The following TMEM14A variants were observed in gnomAD, a reference collection of about 807,000 sequenced individuals.
TMEM14A encodes the protein transmembrane protein 14A.
TMEM14A carries 8 observed loss-of-function variants against 11.6 expected under a neutral mutation model. The observed-to-expected ratio is 0.69, with a 90% confidence interval of 0.40 to 1.24. TMEM14A has a LOEUF of 1.24. Ranked by LOEUF, TMEM14A falls within the 50% of genes most tolerant of loss-of-function variation. The pLI is 0.01. For missense variants in TMEM14A, 108 were observed against 121.9 expected, an observed-to-expected ratio of 0.89 and a Z score of 0.54; for synonymous variants, 34 against 45.5, an observed-to-expected ratio of 0.75 and a Z score of 1.02.
At chr6:52,684,606 A>AT (rs1428967131) in intron 4 of TMEM14A, among the ~76,000 whole-genome samples, 1 of 152,238 alleles carries the variant, frequency 6.6e-6, no homozygotes, top group Non-Finnish European at 1.5e-5. Flanking sequence ...AAGTTTTAAT[A>AT]TTTTTTAAAA....
At chr6:52,678,376 G>A (rs1230342927) in intron 2 of TMEM14A, among the ~76,000 whole-genome samples, 1 of 147,202 alleles carries the variant, frequency 6.8e-6, no homozygotes, top group Admixed American at 6.8e-5. Context: ...TGTGTGGAAG[G>A]AATCATTTTA....
At chr6:52,677,210 G>C in intron 2 of TMEM14A, 38 bp downstream of exon 2, 11 of 1,607,298 alleles carry the variant, frequency 6.8e-6, no homozygotes, top group South Asian at 1.1e-5. Context: ...GGGAATTAGT[G>C]GGGGTTTGGA....
chr6:52,684,200 G>C, intron 4 of TMEM14A, 35 bp downstream of exon 4: 1 of 1,579,364 alleles, frequency 6.3e-7, no homozygotes, highest in Non-Finnish European at 8.6e-7. Flanking sequence ...ACTTTCCTCT[G>C]CTGTTGTTTT....
At chr6:52,678,331 G>A (rs1450317534) in intron 2 of TMEM14A, among the ~76,000 whole-genome samples, 1 of 5,822 alleles carries the variant, frequency 1.7e-4, no homozygotes, top group East Asian at 7.7e-3. Context: ...GTGTGTGTTT[G>A]TGTGTGTGTG....
chr6:52,680,585 T>TTATTTATATA (rs1554137431), intron 2 of TMEM14A, among the ~76,000 whole-genome samples: 8 of 33,264 alleles, frequency 2.4e-4, no homozygotes, highest in Non-Finnish European at 4.8e-4. Context: ...CACTATATAT[T>TTATTTATATA]TATATATTTA....
chr6:52,672,628 T>C (rs1019019745), intron 1 of TMEM14A, among the ~76,000 whole-genome samples: 9 of 152,136 alleles, frequency 5.9e-5, no homozygotes, highest in Admixed American at 4.6e-4. Flanking sequence ...CTTCTCCTAA[T>C]GGTCTAAGCC....
chr6:52,677,913 T>G (rs560461694), intron 2 of TMEM14A, among the ~76,000 whole-genome samples: 3 of 152,320 alleles, frequency 2.0e-5, no homozygotes, highest in East Asian at 3.9e-4. Flanking sequence ...TAAAGGCTGC[T>G]AAGAAGTCAA....
chr6:52,684,398 T>A (rs1162849896), intron 4 of TMEM14A, among the ~76,000 whole-genome samples: 2 of 152,226 alleles, frequency 1.3e-5, no homozygotes, highest in Non-Finnish European at 1.5e-5. Context: ...ATAGGCATAC[T>A]TGCCTTTTTC....
intron 3 of TMEM14A, among the ~76,000 whole-genome samples, chr6:52,683,764 A>C (rs1249398978): frequency 6.6e-6 from 1 of 152,082 alleles, no homozygotes; most frequent in African/African-American, 2.4e-5. Context: ...GGCATGTGCC[A>C]CCATGCCCTG....
At chr6:52,675,351 T>G (rs1252368417) in intron 1 of TMEM14A, among the ~76,000 whole-genome samples, 1 of 152,214 alleles carries the variant, frequency 6.6e-6, no homozygotes, top group East Asian at 1.9e-4. Flanking sequence ...AATATAGACG[T>G]GAGAAAGCTC....
chr6:52,671,342 C>G (rs1004738922), intron 1 of TMEM14A, 97 bp downstream of exon 1: 4 of 152,314 alleles, frequency 2.6e-5, no homozygotes, highest in African/African-American at 4.8e-5. Flanking sequence ...CATCCCCTCC[C>G]CCGCGCCAAA....
intron 1 of TMEM14A, among the ~76,000 whole-genome samples, chr6:52,672,761 A>G (rs1769186155): frequency 6.6e-6 from 1 of 151,996 alleles, no homozygotes; most frequent in South Asian, 2.1e-4. Flanking sequence ...TCTCATTGCC[A>G]TTTCTCTAGA....
chr6:52,676,107 T>G (rs1769252973), intron 1 of TMEM14A, among the ~76,000 whole-genome samples: 1 of 152,118 alleles, frequency 6.6e-6, no homozygotes, highest in African/African-American at 2.4e-5. Context: ...GAAGTTTTAT[T>G]TGGGTAAGTG....
At chr6:52,675,122 A>T (rs988241382) in intron 1 of TMEM14A, among the ~76,000 whole-genome samples, 1 of 152,030 alleles carries the variant, frequency 6.6e-6, no homozygotes, top group African/African-American at 2.4e-5. Context: ...ACCTGAAGTG[A>T]TCCACCAGCC....
At chr6:52,677,210 G>A (rs753375878) in intron 2 of TMEM14A, 38 bp downstream of exon 2, 1 of 1,607,178 alleles carries the variant, frequency 6.2e-7, no homozygotes, top group Non-Finnish European at 8.5e-7. Context: ...GGGAATTAGT[G>A]GGGGTTTGGA....
At chr6:52,679,998 T>C (rs2127263825) in intron 2 of TMEM14A, among the ~76,000 whole-genome samples, 1 of 152,110 alleles carries the variant, frequency 6.6e-6, no homozygotes, top group East Asian at 1.9e-4. Context: ...GAAAGTGTTT[T>C]AATCTCCTTA....
At chr6:52,683,610 T>G (rs1769436190) in intron 3 of TMEM14A, among the ~76,000 whole-genome samples, 1 of 152,124 alleles carries the variant, frequency 6.6e-6, no homozygotes, top group African/African-American at 2.4e-5. Context: ...TTTCTTTGTT[T>G]GTTCTTTTGT....
At chr6:52,680,669 G>GTATATATATATATACATATATGTATATA (rs1292202822) in intron 2 of TMEM14A, among the ~76,000 whole-genome samples, 2 of 35,968 alleles carry the variant, frequency 5.6e-5, no homozygotes, top group African/African-American at 7.9e-5. Flanking sequence ...ATATATATGT[G>GTATATATATATATACATATATGTATATA]TATATATATA....
At chr6:52,674,369 T>TA (rs1769216353) in intron 1 of TMEM14A, among the ~76,000 whole-genome samples, 1 of 152,226 alleles carries the variant, frequency 6.6e-6, no homozygotes, top group Admixed American at 6.5e-5. Context: ...CTAACTCAGT[T>TA]ATCAGAGGTG....
Sources: allele counts gnomAD v4.1 joint callset (sites outside exome capture counted in the v4.1 genomes callset), GRCh38; gene constraint gnomAD v4.1.1; transcripts MANE v1.5; gene names NCBI Gene and HGNC (gene_info 2026-07-23, HGNC 2026-07-21).